ACTR3C: variants seen among roughly 807,000 people sequenced by gnomAD.
ACTR3C encodes actin related protein 3C.
ACTR3C carries 18 observed loss-of-function variants against 26.3 expected under a neutral mutation model. That is an observed-to-expected ratio of 0.68 (90% CI 0.47 to 1.01). ACTR3C has a LOEUF of 1.01. Among genes scored for constraint, ACTR3C ranks in the 50% least tolerant of loss-of-function variants. The pLI is 0.00. For synonymous variants in ACTR3C, 55 were observed against 94.5 expected (o/e 0.58, Z 2.42); for missense variants, 184 against 250.7 (o/e 0.73, Z 1.80).
Position 150,323,474 on chromosome 7 carries a change from G to C in ACTR3C, c.-57C>G, listed in dbSNP as rs566237395. The C allele has an allele frequency of 1.1e-3, 431 of 407,484 alleles. 1 individual carries two copies. Among genetic ancestry groups the C allele is most frequent in the African/African-American group, 8.9e-3 (403 of 45,222 alleles). The allele number at this position is 407,484 out of a possible 1,614,324, so 25.2% of individuals were successfully genotyped here. ...GGCGGGGCTGCGGCTCTTACCTGCC[G>C]AGGAGGCGCCGGCTCTGCGGTGCGG... On this transcript the variant is annotated 5_prime_UTR_variant, in exon 1 of 8. Coordinates refer to ENST00000683684, the MANE Select transcript of ACTR3C (RefSeq NM_001164458.2).
At chr7:150,036,851 G>C in the ACTR3C span, among the ~76,000 whole-genome samples, 2 of 125,246 alleles carry the variant, frequency 1.6e-5, 1 homozygote, top group Non-Finnish European at 3.8e-5. Context: ...CAACGATGGG[G>C]GGTCCTAAGC....
At chr7:150,115,518 C>A in the ACTR3C span, among the ~76,000 whole-genome samples, 1 of 152,196 alleles carries the variant, frequency 6.6e-6, no homozygotes, top group Non-Finnish European at 1.5e-5. Context: ...GATAAAGACA[C>A]AACTTTGTCC....
the ACTR3C span, among the ~76,000 whole-genome samples, chr7:150,055,621 G>A: frequency 1.9e-3 from 286 of 152,064 alleles, no homozygotes; most frequent in African/African-American, 6.8e-3. Flanking sequence ...TTCATGTCAG[G>A]AAGAAGGTAG....
the ACTR3C span, among the ~76,000 whole-genome samples, chr7:150,127,923 C>T: frequency 5.3e-5 from 8 of 151,586 alleles, no homozygotes; most frequent in African/African-American, 1.9e-4. Flanking sequence ...TCCTAAATGT[C>T]TTCACGTGGT....
At chr7:150,124,259 T>G in the ACTR3C span, among the ~76,000 whole-genome samples, 1 of 152,250 alleles carries the variant, frequency 6.6e-6, no homozygotes, top group East Asian at 1.9e-4. Flanking sequence ...GTTGCAGTTC[T>G]TACTGTTTTT....
At chr7:149,887,029 G>A in the ACTR3C span, among the ~76,000 whole-genome samples, 3 of 150,908 alleles carry the variant, frequency 2.0e-5, no homozygotes, top group Non-Finnish European at 4.4e-5. Context: ...GTAGGGCAAT[G>A]AACAGTGTCC....
At chr7:150,215,080 C>T in the ACTR3C span, among the ~76,000 whole-genome samples, 707 of 149,388 alleles carry the variant, frequency 4.7e-3, 20 homozygotes, top group Admixed American at 0.042. Flanking sequence ...TTTTTAATGT[C>T]CTAAAAGGAA....
At chr7:150,083,691 G>T in the ACTR3C span, among the ~76,000 whole-genome samples, 1 of 152,156 alleles carries the variant, frequency 6.6e-6, no homozygotes, top group African/African-American at 2.4e-5. Context: ...CTCCTCTGAT[G>T]CTCTTGGCTT....
the ACTR3C span, among the ~76,000 whole-genome samples, chr7:150,165,330 T>C: frequency 1.3e-5 from 2 of 151,914 alleles, no homozygotes; most frequent in African/African-American, 2.4e-5. Flanking sequence ...AGTGATGTGC[T>C]AGATATGTGA....
the ACTR3C span, among the ~76,000 whole-genome samples, chr7:150,029,426 A>AAAAAC: frequency 3.1e-5 from 4 of 129,626 alleles, 1 homozygote; most frequent in Admixed American, 7.8e-5. Flanking sequence ...AACAAACAAA[A>AAAAAC]AAAAACCATG....
chr7:150,102,616 G>A, the ACTR3C span, among the ~76,000 whole-genome samples: 5 of 151,944 alleles, frequency 3.3e-5, no homozygotes, highest in East Asian at 3.9e-4. Context: ...TCGGTGACTC[G>A]GTGGCAAGGC....
chr7:150,006,323 A>T, the ACTR3C span, among the ~76,000 whole-genome samples: 1 of 151,110 alleles, frequency 6.6e-6, no homozygotes, highest in East Asian at 1.9e-4. Context: ...CAGCCTCCCG[A>T]GTAGCTGGGA....
the ACTR3C span, among the ~76,000 whole-genome samples, chr7:150,058,909 C>T: frequency 7.2e-5 from 11 of 152,098 alleles, no homozygotes; most frequent in Non-Finnish European, 1.3e-4. Context: ...CAGAGACAGA[C>T]TCTGCCTCAA....
chr7:150,024,581 G>T, the ACTR3C span, among the ~76,000 whole-genome samples: 2 of 150,258 alleles, frequency 1.3e-5, no homozygotes, highest in Non-Finnish European at 3.0e-5. Flanking sequence ...GCATGGTGCT[G>T]GGACAAGTCC....
chr7:150,022,548 TC>T, the ACTR3C span, among the ~76,000 whole-genome samples: 2 of 151,984 alleles, frequency 1.3e-5, no homozygotes, highest in African/African-American at 4.8e-5. Flanking sequence ...TTCTTGACAC[TC>T]CCCTCCCTGC....
chr7:150,180,176 G>A, the ACTR3C span, among the ~76,000 whole-genome samples: 3 of 150,000 alleles, frequency 2.0e-5, no homozygotes, highest in Non-Finnish European at 2.9e-5. Flanking sequence ...GTGGTCGTGG[G>A]CACCTGTAGT....
At chr7:150,256,841 A>G (rs909939508) in intron 6 of ACTR3C, among the ~76,000 whole-genome samples, 6 of 152,244 alleles carry the variant, frequency 3.9e-5, no homozygotes, top group African/African-American at 1.4e-4. Flanking sequence ...TGACATGTAG[A>G]GAACATTCCA....
the ACTR3C span, among the ~76,000 whole-genome samples, chr7:149,911,847 T>C: frequency 6.6e-6 from 1 of 152,112 alleles, no homozygotes; most frequent in Non-Finnish European, 1.5e-5. Context: ...GACAAATGTG[T>C]ATCTTTGGGC....
chr7:149,910,468 G>T, the ACTR3C span, among the ~76,000 whole-genome samples: 1 of 151,904 alleles, frequency 6.6e-6, no homozygotes, highest in Non-Finnish European at 1.5e-5. Context: ...TAAAAGGGGG[G>T]GTGGTGGGAA....
Sources: gnomAD v4.1 joint callset for allele counts (sites outside exome capture counted in the v4.1 genomes callset) on GRCh38, gnomAD v4.1.1 for gene constraint, MANE v1.5 for transcripts, NCBI Gene and HGNC (gene_info 2026-07-23, HGNC 2026-07-21) for gene names.